The following ADAMTS12 variants were observed in gnomAD, a reference collection of about 807,000 sequenced individuals.
ADAMTS12 encodes the protein ADAM metallopeptidase with thrombospondin type 1 motif 12, also known as A disintegrin and metalloproteinase with thrombospondin motifs 12.
In ADAMTS12, 118 loss-of-function variants were observed where a neutral mutation model predicts 167.8. The ratio of observed to expected loss-of-function variants is 0.70; its 90% CI spans 0.61 to 0.82. The LOEUF (loss-of-function observed/expected upper bound fraction) is 0.82. Among genes scored for constraint, ADAMTS12 ranks in the 40% least tolerant of loss-of-function variants. The pLI is 0.00. For synonymous variants in ADAMTS12, 704 were observed against 716.9 expected (o/e 0.98, Z 0.29); for missense variants, 1,916 against 1,998.8 (o/e 0.96, Z 0.79).
intron 3 of ADAMTS12, among the ~76,000 whole-genome samples, chr5:33,737,258 G>C (rs544484347): frequency 9.2e-5 from 14 of 152,176 alleles, no homozygotes; most frequent in Non-Finnish European, 1.5e-4. Flanking sequence ...GGATCATCTC[G>C]AAAGGTGGTG....
Position 33,578,114 on chromosome 5 carries a change from A to G in ADAMTS12, c.2866-954T>C, listed in dbSNP as rs566455695. Among the ~76,000 whole-genome samples the G allele has an allele frequency of 3.3e-5, 5 of 152,200 alleles. No individual in the cohort carries two copies. The South Asian group carries it at 1.0e-3, about 32-fold the overall frequency. ...CTCTTTCCAATGGCATTTGAAGTCA[A>G]CCACCAAATAGTTGGCACTTGAGCA... On this transcript the variant is annotated intron_variant, in intron 18 of 23. Transcript: ENST00000504830.
intron 16 of ADAMTS12, among the ~76,000 whole-genome samples, chr5:33,599,563 G>T (rs1001897916): frequency 1.3e-5 from 2 of 152,080 alleles, no homozygotes; most frequent in Non-Finnish European, 2.9e-5. Flanking sequence ...TAGGCCTAGG[G>T]ATGGTAGCCT....
intron 2 of ADAMTS12, among the ~76,000 whole-genome samples, chr5:33,795,258 G>A (rs1378377512): frequency 5.3e-5 from 8 of 152,150 alleles, no homozygotes; most frequent in African/African-American, 1.9e-4. Context: ...GTAAAGAGAC[G>A]GGAATCATTA....
chr5:33,798,411 T>C (rs1455356838), intron 2 of ADAMTS12, among the ~76,000 whole-genome samples: 2 of 151,392 alleles, frequency 1.3e-5, no homozygotes, highest in African/African-American at 4.9e-5. Flanking sequence ...TTTTCTCATG[T>C]TCCTGATGTC....
chr5:33,819,647 T>C (rs1404531966), intron 2 of ADAMTS12, among the ~76,000 whole-genome samples: 1 of 152,164 alleles, frequency 6.6e-6, no homozygotes, highest in East Asian at 1.9e-4. Flanking sequence ...GAAATTTTCA[T>C]AGGAATTGTG....
At position 33,714,216 on chromosome 5, in the gene ADAMTS12, G is replaced by A. The variant is rs140106547; in HGVS notation, c.635-30161C>T. Among the ~76,000 whole-genome samples the A allele has an allele frequency of 2.1e-3, 321 of 152,084 alleles. 2 individuals carry two copies. Among genetic ancestry groups the A allele is most frequent in the African/African-American group, 7.4e-3 (306 of 41,508 alleles). On this transcript the variant is annotated intron_variant, in intron 3 of 23. Coordinates refer to ENST00000504830, the MANE Select transcript of ADAMTS12 (RefSeq NM_030955.4). The stretch of plus-strand genomic sequence containing the variant: ...CCTTTAAACTAATTTAGGATGAGTC[G>A]ATGGGATATCATCTCACCCCAGTTA...
chr5:33,688,286 T>C (rs1742417886), intron 3 of ADAMTS12, among the ~76,000 whole-genome samples: 2 of 152,126 alleles, frequency 1.3e-5, no homozygotes, highest in African/African-American at 2.4e-5. Flanking sequence ...ACATGTTTGT[T>C]TCAAGCAGAG....
chr5:33,601,106 AGTGTGTGTGTGTGT>A (rs55841502), intron 16 of ADAMTS12, among the ~76,000 whole-genome samples: 7 of 145,818 alleles, frequency 4.8e-5, no homozygotes, highest in East Asian at 2.0e-4. Context: ...CACATTTAAG[AGTGTGTGTGTGTGT>A]GTGTGTGTGT....
intron 3 of ADAMTS12, among the ~76,000 whole-genome samples, chr5:33,686,805 G>T (rs991152569): frequency 5.3e-5 from 8 of 151,046 alleles, no homozygotes; most frequent in Non-Finnish European, 8.9e-5. Context: ...TATATAGAGA[G>T]AGAGAGGGAG....
chr5:33,819,860 CA>C (rs1747805320), intron 2 of ADAMTS12, among the ~76,000 whole-genome samples: 1 of 152,118 alleles, frequency 6.6e-6, no homozygotes, highest in South Asian at 2.1e-4. Flanking sequence ...AGGAAAGAAG[CA>C]GCTCACAGTA....
At chr5:33,710,942 A>T (rs1271504508) in intron 3 of ADAMTS12, among the ~76,000 whole-genome samples, 1 of 152,188 alleles carries the variant, frequency 6.6e-6, no homozygotes, top group Non-Finnish European at 1.5e-5. Context: ...CAAGTGGTCT[A>T]AGAGACTCCC....
chr5:33,745,820 G>C (rs112396980), intron 3 of ADAMTS12, among the ~76,000 whole-genome samples: 2,168 of 152,296 alleles, frequency 0.014, 59 homozygotes, highest in African/African-American at 0.049. Flanking sequence ...TACCTAAAGT[G>C]TTGGTCTCGA....
At chr5:33,779,184 ATTTTT>A (rs58073487) in intron 2 of ADAMTS12, among the ~76,000 whole-genome samples, 85 of 135,496 alleles carry the variant, frequency 6.3e-4, no homozygotes, top group Middle Eastern at 3.9e-3. Context: ...TGAAATTAGT[ATTTTT>A]TTTTTTTTTT....
At chr5:33,657,144 C>T (rs1164213655) in intron 7 of ADAMTS12, among the ~76,000 whole-genome samples, 1 of 152,156 alleles carries the variant, frequency 6.6e-6, no homozygotes, top group East Asian at 1.9e-4. Context: ...ATTCTCAAAG[C>T]AATGCTCTGG....
chr5:33,646,917 A>G lies in ADAMTS12; in HGVS notation c.1479+1905T>C, dbSNP rs562586934. On this transcript the variant is annotated intron_variant, in intron 9 of 23. Transcript: ENST00000504830. ...AGAAAATTCAGAAAAATAACCAAATAGACTTTTATAAATAAAAATATGATA... is the reference window on the plus strand; with the variant it reads ...AGAAAATTCAGAAAAATAACCAAATGGACTTTTATAAATAAAAATATGATA... Among the ~76,000 whole-genome samples the G allele has an allele frequency of 1.0e-3, 154 of 152,320 alleles. 2 individuals carry two copies. In the South Asian group the frequency reaches 0.032, roughly 31 times the overall value.
At chr5:33,746,170 C>G (rs764923513) in intron 3 of ADAMTS12, among the ~76,000 whole-genome samples, 1 of 152,350 alleles carries the variant, frequency 6.6e-6, no homozygotes, top group Non-Finnish European at 1.5e-5. Flanking sequence ...AGACAAGACT[C>G]AGGCAGGTTG....
intron 2 of ADAMTS12, among the ~76,000 whole-genome samples, chr5:33,845,908 G>C (rs1748924874): frequency 6.6e-6 from 1 of 152,188 alleles, no homozygotes; most frequent in Non-Finnish European, 1.5e-5. Flanking sequence ...GAGCAGAGGA[G>C]GTGCCAGCCT....
intron 2 of ADAMTS12, among the ~76,000 whole-genome samples, chr5:33,801,983 C>T (rs896358017): frequency 2.0e-5 from 3 of 152,138 alleles, no homozygotes; most frequent in Admixed American, 6.5e-5. Context: ...TTTGGGAAGG[C>T]GATCAGGCCA....
chr5:33,603,017 A>C (rs894254909), intron 16 of ADAMTS12, among the ~76,000 whole-genome samples: 31 of 152,228 alleles, frequency 2.0e-4, no homozygotes, highest in African/African-American at 7.5e-4. Context: ...GAAAAGGAGA[A>C]GCCCAGGGTA....
Sources: allele counts gnomAD v4.1 joint callset (sites outside exome capture counted in the v4.1 genomes callset), GRCh38; gene constraint gnomAD v4.1.1; transcripts MANE v1.5; gene names NCBI Gene and HGNC (gene_info 2026-07-23, HGNC 2026-07-21).